Variants in DMD observed in about 807,000 individuals in gnomAD.
DMD encodes the protein dystrophin.
DMD carries 63 observed loss-of-function variants against 330.1 expected under a neutral mutation model. The ratio of observed to expected loss-of-function variants is 0.19; its 90% CI spans 0.16 to 0.24. The LOEUF is 0.24. Among genes scored for constraint, DMD ranks in the 10% least tolerant of loss-of-function variants. The pLI is 1.00. For synonymous variants in DMD, 1,223 were observed against 959.8 expected (o/e 1.27, Z -5.07); for missense variants, 3,344 against 2,684.1 (o/e 1.25, Z -5.43).
At chrX:31,876,583 G>T (rs2093970557) in intron 47 of DMD, among the ~76,000 whole-genome samples, 1 of 110,678 alleles carries the variant, frequency 9.0e-6, no homozygotes, top group Non-Finnish European at 1.9e-5. Context: ...GAGCACTGTA[G>T]CTCTTGCCTG....
At chrX:32,121,020 G>T (rs906046462) in intron 44 of DMD, among the ~76,000 whole-genome samples, 2 of 111,828 alleles carry the variant, frequency 1.8e-5, no homozygotes, top group Admixed American at 1.9e-4. Flanking sequence ...CAAATGCATC[G>T]ACTGAAATAG....
intron 13 of DMD, among the ~76,000 whole-genome samples, chrX:32,575,928 T>C (rs2052997159): frequency 8.9e-6 from 1 of 112,142 alleles, no homozygotes; most frequent in Non-Finnish European, 1.9e-5. Context: ...CTACAAGACA[T>C]ATAGTATCCA....
At chrX:32,177,884 G>A (rs184339116) in intron 44 of DMD, among the ~76,000 whole-genome samples, 3 of 111,070 alleles carry the variant, frequency 2.7e-5, no homozygotes, top group East Asian at 5.6e-4. Flanking sequence ...ATGTTGATGA[G>A]AGCCAGATTA....
chrX:32,551,710 G>A (rs961875832), intron 16 of DMD, among the ~76,000 whole-genome samples: 17 of 111,285 alleles, frequency 1.5e-4, no homozygotes, highest in African/African-American at 2.6e-4. Context: ...GTTTGCAGAC[G>A]ATGAGGTTCT....
chrX:31,883,949 A>T (rs1298559689), intron 47 of DMD, among the ~76,000 whole-genome samples: 2 of 111,204 alleles, frequency 1.8e-5, no homozygotes, highest in Non-Finnish European at 3.8e-5. Context: ...AAAATAAGAT[A>T]TCATCTTATA....
At chrX:31,351,438 G>C (rs1176468629) in intron 60 of DMD, among the ~76,000 whole-genome samples, 1 of 110,663 alleles carries the variant, frequency 9.0e-6, no homozygotes, top group Non-Finnish European at 1.9e-5. Context: ...TAAAAGGAGA[G>C]GAATAGGCCA....
chrX:33,133,032 A>C (rs760960747), intron 1 of DMD, among the ~76,000 whole-genome samples: 1 of 111,898 alleles, frequency 8.9e-6, no homozygotes, highest in Non-Finnish European at 1.9e-5. Context: ...TAAGCCTTTG[A>C]AGTGAAAAAC....
At chrX:32,729,389 A>G (rs1352626566) in intron 7 of DMD, among the ~76,000 whole-genome samples, 1 of 112,090 alleles carries the variant, frequency 8.9e-6, no homozygotes, top group Non-Finnish European at 1.9e-5. Flanking sequence ...CACAAAGTCA[A>G]CCATTAATGT....
chrX:32,543,559 G>A (rs972936887), intron 17 of DMD, among the ~76,000 whole-genome samples: 1 of 111,992 alleles, frequency 8.9e-6, no homozygotes, highest in Non-Finnish European at 1.9e-5. Context: ...TCCACTAAGC[G>A]TTGTCTATAA....
chrX:33,209,901 T>C (rs763693561), intron 1 of DMD, among the ~76,000 whole-genome samples: 39 of 110,309 alleles, frequency 3.5e-4, no homozygotes, highest in Non-Finnish European at 7.4e-4. Flanking sequence ...GTATATGATG[T>C]TAATTATGTA....
chrX:32,910,241 C>G (rs2087103785), intron 2 of DMD, among the ~76,000 whole-genome samples: 1 of 111,325 alleles, frequency 9.0e-6, no homozygotes, highest in South Asian at 3.8e-4. Context: ...GACAGAACAC[C>G]TCAACTTCTG....
chrX:31,505,504 C>T (rs1170762143), intron 56 of DMD, among the ~76,000 whole-genome samples: 1 of 112,225 alleles, frequency 8.9e-6, no homozygotes, highest in Non-Finnish European at 1.9e-5. Context: ...AATCTACTCT[C>T]TATTTCATCC....
chrX:33,106,231 T>A, intron 1 of DMD, among the ~76,000 whole-genome samples: 1 of 110,638 alleles, frequency 9.0e-6, no homozygotes, highest in Non-Finnish European at 1.9e-5. Context: ...AACTAACTTA[T>A]GAGTATGCAA....
intron 7 of DMD, among the ~76,000 whole-genome samples, chrX:32,699,708 C>G (rs147010476): frequency 4.5e-5 from 5 of 111,387 alleles, no homozygotes; most frequent in Non-Finnish European, 9.5e-5. Context: ...AATGGTTTAC[C>G]GCTTTGGTTC....
Position 31,138,686 on chromosome X carries a change from A to AGAGTGT in DMD, c.10922-4493_10922-4492insACACTC, listed in dbSNP as rs745406001. ...GAGAGAGAGAGAGAGAGAGAGAGAG[A>AGAGTGT]GAAGGGGGAAGTGCCACACACTTTA... On this transcript the variant is annotated intron_variant, in intron 76 of 78. Transcript: ENST00000357033. Among the ~76,000 whole-genome samples the AGAGTGT allele has an allele frequency of 1.7e-3, 153 of 87,465 alleles. 9 individuals carry two copies. In the East Asian group the frequency reaches 0.022, roughly 13 times the overall value. The allele number at this position is 87,465 out of a possible 115,157, so 76.0% of individuals were successfully genotyped here.
chrX:32,439,870 C>T (rs947393967), intron 28 of DMD, among the ~76,000 whole-genome samples: 6 of 111,464 alleles, frequency 5.4e-5, no homozygotes, highest in African/African-American at 2.0e-4. Flanking sequence ...CGCAATTTTC[C>T]TCCTCCCTGC....
At chrX:33,108,428 G>A (rs1258903745) in intron 1 of DMD, among the ~76,000 whole-genome samples, 1 of 105,378 alleles carries the variant, frequency 9.5e-6, no homozygotes, top group African/African-American at 3.5e-5. Context: ...CCACCAGGCC[G>A]GCTAATTTTT....
intron 44 of DMD, among the ~76,000 whole-genome samples, chrX:31,982,190 C>T (rs1203869057): frequency 1.8e-5 from 2 of 110,484 alleles, no homozygotes; most frequent in Non-Finnish European, 3.8e-5. Flanking sequence ...CTTTTTTTTT[C>T]CAGCTAATGA....
intron 59 of DMD, among the ~76,000 whole-genome samples, chrX:31,450,841 C>A (rs1349498015): frequency 9.0e-6 from 1 of 111,583 alleles, no homozygotes; most frequent in East Asian, 2.8e-4. Flanking sequence ...CCTTTGTACC[C>A]CTGGTGGTTT....
Sources: allele counts gnomAD v4.1 joint callset (sites outside exome capture counted in the v4.1 genomes callset), GRCh38; gene constraint gnomAD v4.1.1; transcripts MANE v1.5; gene names NCBI Gene and HGNC (gene_info 2026-07-23, HGNC 2026-07-21).